KAT2B: variants seen among roughly 807,000 people sequenced by gnomAD.
KAT2B encodes histone acetyltransferase KAT2B.
KAT2B carries 36 observed loss-of-function variants against 105.9 expected under a neutral mutation model. The observed-to-expected ratio is 0.34, with a 90% CI of 0.26 to 0.45. The LOEUF (loss-of-function observed/expected upper bound fraction) is 0.45. KAT2B is among the 20% of genes least tolerant of loss of function. The probability of loss-of-function intolerance (pLI) is 1.00; values close to 1 mark genes in which losing one functional copy is unlikely to be tolerated. For synonymous variants in KAT2B, 397 were observed against 377.9 expected (o/e 1.05, Z -0.59); for missense variants, 820 against 1,021.6 (o/e 0.80, Z 2.69).
At chr3:20,059,626 A>G (rs1698065049) in intron 1 of KAT2B, among the ~76,000 whole-genome samples, 1 of 151,850 alleles carries the variant, frequency 6.6e-6, no homozygotes. Context: ...AATGGCGTGA[A>G]CCTGGGAGGT....
chr3:20,099,795 AGAG>A, intron 3 of KAT2B, 64 bp from the exon 4 acceptor site: 1 of 760,776 alleles, frequency 1.3e-6, no homozygotes, highest in Non-Finnish European at 2.3e-6. Context: ...AACAGAAGAG[AGAG>A]GAGAGAGAGA....
At chr3:20,121,257 C>T (rs1699302412) in intron 8 of KAT2B, among the ~76,000 whole-genome samples, 2 of 152,280 alleles carry the variant, frequency 1.3e-5, no homozygotes, top group South Asian at 4.1e-4. Context: ...CTGTTCTGCT[C>T]CTTTTCAACT....
At chr3:20,098,645 A>G (rs867445562) in intron 3 of KAT2B, among the ~76,000 whole-genome samples, 3 of 152,198 alleles carry the variant, frequency 2.0e-5, no homozygotes, top group Non-Finnish European at 4.4e-5. Flanking sequence ...CAAGTTCCTA[A>G]ATGGTCTTAT....
Position 20,111,626 on chromosome 3 carries a change from C to G in KAT2B, c.882C>G (p.Phe294Leu). ...RWLCYCNVPQ[F>L]CDSLPRYETT... ...TGTGTTACTGCAACGTGCCACAGTT[C>G]TGCGACAGTCTACCTCGGTACGAAA... The change falls in exon 6 of 18, where the codon TTC (phenylalanine) becomes TTG (leucine). Residue 294 changes from phenylalanine to leucine, a missense_variant. Phe to Leu is a conservative substitution (Grantham distance 22, BLOSUM62 0). Transcript: ENST00000263754. 6.2e-7 allele frequency: 1 copy of G among 1,613,306 alleles called. No individual in the cohort carries two copies. The highest frequency in any genetic ancestry group is 8.5e-7 in the Non-Finnish European group (1 of 1,179,650).
chr3:20,144,172 A>G (rs1699741544), intron 13 of KAT2B, among the ~76,000 whole-genome samples: 2 of 148,930 alleles, frequency 1.3e-5, no homozygotes, highest in Admixed American at 6.7e-5. Context: ...TCTGTAGGTC[A>G]TTGCATTTGA....
chr3:20,076,478 C>G (rs140758295), intron 2 of KAT2B, among the ~76,000 whole-genome samples: 150 of 152,290 alleles, frequency 9.8e-4, no homozygotes, highest in African/African-American at 3.4e-3. Context: ...TATAACAGCT[C>G]TAGAAAACCT....
At chr3:20,127,689 C>G in intron 11 of KAT2B, 140 bp downstream of exon 11, 1 of 776,018 alleles carries the variant, frequency 1.3e-6, no homozygotes, top group Non-Finnish European at 2.1e-6. Flanking sequence ...GAATAGTCCT[C>G]TCACTCCAAT....
rs375299609 is a variant in KAT2B, at chr3:20,119,699, T to C, written c.1252T>C (p.Ser418Pro). 41 of 1,614,088 alleles carry C rather than the reference T, an allele frequency of 2.5e-5. No homozygotes were observed. In the South Asian group the frequency reaches 2.7e-4, roughly 11 times the overall value. Reference sequence around the variant, plus strand: ...GAGCAGCAGTCCTGCCTGCAAAGCCTCTTCTGGACTTGAGGCAAACCCAGG... The same window carrying C: ...GAGCAGCAGTCCTGCCTGCAAAGCCCCTTCTGGACTTGAGGCAAACCCAGG... ...AGSSSPACKA[S>P]SGLEANPGEK... The change falls in exon 8 of 18, where the codon TCT becomes CCT. Residue 418 changes from serine to proline, a missense_variant. Physicochemically the swap from Ser to Pro is moderately conservative, Grantham distance 74. Around this residue, in one of 6 missense-constraint regions of KAT2B, gnomAD observed 225 missense variants for 268.1 expected, o/e 0.84. Coordinates refer to ENST00000263754, the MANE Select transcript of KAT2B (RefSeq NM_003884.5).
intron 2 of KAT2B, among the ~76,000 whole-genome samples, chr3:20,087,094 G>T (rs1242320816): frequency 1.3e-5 from 2 of 152,104 alleles, no homozygotes; most frequent in Non-Finnish European, 2.9e-5. Context: ...TTTTTTAAAG[G>T]ATACAAAATT....
intron 12 of KAT2B, among the ~76,000 whole-genome samples, chr3:20,137,335 A>C (rs139426847): frequency 6.6e-6 from 1 of 152,330 alleles, no homozygotes; most frequent in African/African-American, 2.4e-5. Context: ...TCTAATAAGA[A>C]ATTCCCAGTC....
intron 1 of KAT2B, among the ~76,000 whole-genome samples, chr3:20,044,069 GAA>G (rs376427623): frequency 7.3e-6 from 1 of 137,692 alleles, no homozygotes; most frequent in Admixed American, 7.2e-5. Context: ...AATAGAAAAA[GAA>G]AAAAAAAAAA....
chr3:20,069,168 G>A (rs2125178802), intron 1 of KAT2B, among the ~76,000 whole-genome samples: 1 of 152,238 alleles, frequency 6.6e-6, no homozygotes. Flanking sequence ...AGCACCCAGT[G>A]AAGAGTAACT....
At chr3:20,067,689 TTCTGAGACAGGG>T (rs1698246674) in intron 1 of KAT2B, among the ~76,000 whole-genome samples, 1 of 152,170 alleles carries the variant, frequency 6.6e-6, no homozygotes, top group Non-Finnish European at 1.5e-5. Flanking sequence ...TTTTTTAAAC[TTCTGAGACAGGG>T]TCTCACTCTG....
chr3:20,139,208 C>T (rs1699656311), intron 12 of KAT2B, among the ~76,000 whole-genome samples: 1 of 138,940 alleles, frequency 7.2e-6, no homozygotes, highest in Admixed American at 7.1e-5. Flanking sequence ...AGCCACTGCA[C>T]CCAGCCAGAC....
intron 1 of KAT2B, among the ~76,000 whole-genome samples, chr3:20,042,208 C>T (rs1348623403): frequency 6.6e-6 from 1 of 152,152 alleles, no homozygotes; most frequent in Non-Finnish European, 1.5e-5. Flanking sequence ...CAATTCAGAC[C>T]TGGACAATAT....
In KAT2B at chr3:20,082,583, A is replaced by T. The variant is rs150466082; in HGVS notation, c.430+10124A>T. 1.8e-3 allele frequency among the ~76,000 whole-genome samples: 277 copies of T among 152,260 alleles called. 3 individuals carry two copies. Among genetic ancestry groups the T allele is most frequent in the African/African-American group, 6.5e-3 (269 of 41,554 alleles). ...TTTATTTTATTTGTTGACTTTTATA[A>T]CATTGACATTTTGATGGAGGAATGT... is the stretch of plus-strand genomic sequence containing the variant. On this transcript the variant is annotated intron_variant, in intron 2 of 17. Transcript: ENST00000263754.
Position 20,153,441 on chromosome 3 carries a change from TACAC to T in KAT2B, c.*920_*923del, listed in dbSNP as rs1425984584. The T allele has an allele frequency of 2.0e-5, 3 of 152,580 alleles. No homozygotes were observed. In the East Asian group the frequency reaches 5.8e-4, roughly 29 times the overall value. 9.5% of individuals were successfully genotyped at this position (152,580 alleles called of 1,614,324 possible). A position where few individuals can be genotyped will look rare whatever the true frequency, so the allele number is the denominator to read the frequency against. On this transcript the variant is annotated 3_prime_UTR_variant, in exon 18 of 18. Coordinates refer to ENST00000263754, the MANE Select transcript of KAT2B (RefSeq NM_003884.5). ...TAAAGGTTCTTTTTCTTTTCTATGA[TACAC>T]ACAGCCACGCTGATAATATGCAAAT...
intron 4 of KAT2B, 164 bp from the exon 5 acceptor site, chr3:20,101,123 C>T: frequency 1.7e-6 from 1 of 598,068 alleles, no homozygotes; most frequent in Non-Finnish European, 2.9e-6. Context: ...GGCAAGATTC[C>T]CTCTGGGGAT....
intron 2 of KAT2B, among the ~76,000 whole-genome samples, chr3:20,083,946 GT>G (rs1433901268): frequency 6.6e-6 from 1 of 152,106 alleles, no homozygotes; most frequent in African/African-American, 2.4e-5. Flanking sequence ...GGAAGGTGGG[GT>G]TCGGGGAAGA....
Sources: gnomAD v4.1 joint callset for allele counts (sites outside exome capture counted in the v4.1 genomes callset) on GRCh38, gnomAD v4.1.1 for gene constraint, gnomAD v4.1.1 regional missense constraint, MANE v1.5 for transcripts, NCBI Gene and HGNC (gene_info 2026-07-23, HGNC 2026-07-21) for gene names.